Variants in PCDHGA4 observed in about 807,000 individuals in gnomAD.
PCDHGA4 encodes the protein protocadherin gamma subfamily A, 4, also known as protocadherin gamma-A4.
In PCDHGA4, 38 loss-of-function variants were observed where a neutral mutation model predicts 54.6. That is an observed-to-expected ratio of 0.70 (90% CI 0.54 to 0.91). The LOEUF (loss-of-function observed/expected upper bound fraction) is 0.91, where lower values mean the gene tolerates loss of function less well. Ranked by LOEUF, PCDHGA4 falls within the 40% of genes least tolerant of loss-of-function variation. PCDHGA4 has a pLI of 0.00. For missense variants in PCDHGA4, 1,298 were observed against 1,220.9 expected (o/e 1.06, Z -0.94); for synonymous variants, 511 against 512.9 (o/e 1.00, Z 0.05).
At chr5:141,414,802 G>C (rs201378410) in intron 1 of PCDHGA4, 3 of 1,614,108 alleles carry the variant, frequency 1.9e-6, no homozygotes, top group Admixed American at 3.3e-5. Flanking sequence ...CGACAGCGGG[G>C]ATCCTCCACT....
intron 1 of PCDHGA4, among the ~76,000 whole-genome samples, chr5:141,444,400 A>G (rs1400847351): frequency 1.3e-5 from 2 of 151,536 alleles, no homozygotes; most frequent in Admixed American, 6.6e-5. Flanking sequence ...TGAACTCCCA[A>G]CCTCAGGTGA....
chr5:141,392,862 T>C (rs1334405895), intron 1 of PCDHGA4: 2 of 1,612,696 alleles, frequency 1.2e-6, no homozygotes, highest in Non-Finnish European at 1.7e-6. Flanking sequence ...GATCCTGCTG[T>C]GCGCGCTGCT....
At position 141,432,275 on chromosome 5, in the gene PCDHGA4, T is replaced by C. The variant is rs775413198; in HGVS notation, c.2515-62532T>C. 2 of 1,614,232 alleles carry C rather than the reference T, an allele frequency of 1.2e-6. No homozygotes were observed. Among genetic ancestry groups the C allele is most frequent in the South Asian group, 2.2e-5 (2 of 91,086 alleles). On this transcript the variant is annotated intron_variant, in intron 1 of 3. Coordinates refer to ENST00000571252, the MANE Select transcript of PCDHGA4 (RefSeq NM_018917.4). This position sits in a 1 kb window ranked among gnomAD's most constrained non-coding sequence, Gnocchi z 6.0. ...AGGGGCAAGCCTATCGTCCTACGTG[T>C]CCATCAACTCCGACACTGGGGTACT... is the stretch of plus-strand genomic sequence containing the variant.
chr5:141,399,711 A>G (rs1232938340), intron 1 of PCDHGA4: 5 of 1,613,236 alleles, frequency 3.1e-6, no homozygotes, highest in African/African-American at 1.3e-5. Context: ...AACTCACACT[A>G]CAGGCCCGCG....
intron 1 of PCDHGA4, among the ~76,000 whole-genome samples, chr5:141,406,762 A>C (rs942707558): frequency 2.0e-5 from 3 of 152,238 alleles, no homozygotes; most frequent in Non-Finnish European, 4.4e-5. Context: ...CAAGGAATTA[A>C]AAATATTTCT....
chr5:141,413,417 T>A (rs777399697), intron 1 of PCDHGA4: 1 of 1,614,086 alleles, frequency 6.2e-7, no homozygotes, highest in Non-Finnish European at 8.5e-7. Context: ...CTTTTCTCTC[T>A]GAACCCGCGC....
In PCDHGA4 at chr5:141,394,083, G is replaced by A. The variant is rs146481056; in HGVS notation, c.2514+36462G>A. The A allele has an allele frequency of 3.1e-6, 5 of 1,613,826 alleles. No individual in the cohort carries two copies. The East Asian group carries it at 6.7e-5, about 22-fold the overall frequency. On this transcript the variant is annotated intron_variant, in intron 1 of 3. Transcript: ENST00000571252. ...CTCTATCTACAATATCACAGTGATG[G>A]CCTCAGATCTAGGAACACCACCTCT... is the stretch of plus-strand genomic sequence containing the variant.
rs374253072 is a variant in PCDHGA4, at chr5:141,476,894, G to A, written c.2515-17913G>A. ...GCGCGTCCTGGAGGATGCACCCTCCGGCACGCGCGTGGTACAAGTCCTTGC... is the reference window on the plus strand; with the variant it reads ...GCGCGTCCTGGAGGATGCACCCTCCAGCACGCGCGTGGTACAAGTCCTTGC... On this transcript the variant is annotated intron_variant, in intron 1 of 3. Transcript: ENST00000571252. The surrounding 1 kb of genome is among the most constrained non-coding windows in gnomAD (Gnocchi z 7.6). 48 of 1,613,834 alleles carry A rather than the reference G, an allele frequency of 3.0e-5. No homozygotes were observed. In the African/African-American group the frequency reaches 5.6e-4, roughly 19 times the overall value.
At chr5:141,466,510 AT>A (rs1222513096) in intron 1 of PCDHGA4, among the ~76,000 whole-genome samples, 1 of 151,938 alleles carries the variant, frequency 6.6e-6, no homozygotes, top group Non-Finnish European at 1.5e-5. Context: ...AGACAAGATC[AT>A]TTTTTTTCCT....
chr5:141,512,395 C>T lies in PCDHGA4; in HGVS notation c.*1222C>T, dbSNP rs1229077213. ...ACCAAATGAACAGAAAGTCTCAGCCCAGGATGGGGCTTCTTCAACAGGGCC... is the reference window on the plus strand; with the variant it reads ...ACCAAATGAACAGAAAGTCTCAGCCTAGGATGGGGCTTCTTCAACAGGGCC... On this transcript the variant is annotated 3_prime_UTR_variant, in exon 4 of 4. Coordinates refer to ENST00000571252, the MANE Select transcript of PCDHGA4 (RefSeq NM_018917.4). 1 of 152,690 alleles carries T rather than the reference C, an allele frequency of 6.5e-6. No individual in the cohort carries two copies. Among genetic ancestry groups the T allele is most frequent in the Non-Finnish European group, 1.5e-5 (1 of 68,072 alleles). The allele number at this position is 152,690 out of a possible 1,614,324, so 9.5% of individuals were successfully genotyped here.
Position 141,374,832 on chromosome 5 carries a change from G to A in PCDHGA4, c.2514+17211G>A, listed in dbSNP as rs776699327. On this transcript the variant is annotated intron_variant, in intron 1 of 3. Transcript: ENST00000571252. ...TTTACTCAGCCTGTCTACCGTGTAA[G>A]TGTTCCTGAAAACCTGCCAGTAGGC... 3.1e-6 allele frequency: 5 copies of A among 1,613,908 alleles called. 1 individual carries two copies. The South Asian group carries it at 5.5e-5, about 18-fold the overall frequency.
At chr5:141,419,756 G>A in intron 1 of PCDHGA4, 7 of 1,614,008 alleles carry the variant, frequency 4.3e-6, no homozygotes, top group East Asian at 2.2e-5. Flanking sequence ...GCGTGCTTTG[G>A]GTGACAAGGA....
At chr5:141,384,640 T>C (rs1780304566) in intron 1 of PCDHGA4, 1 of 1,613,956 alleles carries the variant, frequency 6.2e-7, no homozygotes, top group Admixed American at 1.7e-5. Context: ...GGCACCCCGC[T>C]CCGCAGAGCC....
At chr5:141,475,819 G>A (rs1232669115) in intron 1 of PCDHGA4, 4 of 350,114 alleles carry the variant, frequency 1.1e-5, no homozygotes, top group Non-Finnish European at 1.6e-5. Context: ...GAAGTTCCTG[G>A]CGCTAGCGCG....
At chr5:141,496,021 G>T (rs1011612662) in intron 2 of PCDHGA4, among the ~76,000 whole-genome samples, 2 of 151,336 alleles carry the variant, frequency 1.3e-5, no homozygotes, top group African/African-American at 4.9e-5. Flanking sequence ...TTTTCTCTGA[G>T]CCTCTGTCTC....
At position 141,414,671 on chromosome 5, in the gene PCDHGA4, C is replaced by A. The variant is rs115280317; in HGVS notation, c.2514+57050C>A. On this transcript the variant is annotated intron_variant, in intron 1 of 3. Coordinates refer to ENST00000571252, the MANE Select transcript of PCDHGA4 (RefSeq NM_018917.4). ...ATTATTTACTCCCTGGCTGAAGACA[C>A]CATCCAGGGGGTACCTCTGTCCTCA... 857 of 1,613,966 alleles carry A rather than the reference C, an allele frequency of 5.3e-4. 9 individuals carry two copies. In the African/African-American group the frequency reaches 0.01, roughly 19 times the overall value.
At chr5:141,403,276 C>G in intron 1 of PCDHGA4, 7 of 1,613,844 alleles carry the variant, frequency 4.3e-6, no homozygotes, top group Non-Finnish European at 5.1e-6. Context: ...ACTTTAAAGT[C>G]CTGGTTGAAG....
chr5:141,369,299 CATT>C (rs1766146509), intron 1 of PCDHGA4, among the ~76,000 whole-genome samples: 1 of 152,112 alleles, frequency 6.6e-6, no homozygotes. Context: ...AATAACGCAT[CATT>C]GTTAGGCTAC....
chr5:141,371,202 G>A, intron 1 of PCDHGA4: 2 of 1,614,036 alleles, frequency 1.2e-6, no homozygotes, highest in Non-Finnish European at 1.7e-6. Flanking sequence ...CATTGACATG[G>A]ATGAGGGCAT....
Sources: gnomAD v4.1 joint callset for allele counts (sites outside exome capture counted in the v4.1 genomes callset) on GRCh38, gnomAD v4.1.1 for gene constraint, Gnocchi (gnomAD v3.1) non-coding constraint, MANE v1.5 for transcripts, NCBI Gene and HGNC (gene_info 2026-07-23, HGNC 2026-07-21) for gene names.